The following CAMTA1 variants were observed in gnomAD, a reference collection of about 807,000 sequenced individuals.
The protein encoded by CAMTA1 is calmodulin binding transcription activator 1.
CAMTA1 carries 27 observed loss-of-function variants against 170.9 expected under a neutral mutation model. The observed-to-expected ratio is 0.16, with a 90% CI of 0.12 to 0.22. CAMTA1 has a LOEUF of 0.22. Among genes scored for constraint, CAMTA1 ranks in the 10% least tolerant of loss-of-function variants. The probability of loss-of-function intolerance (pLI) is 1.00; values close to 1 mark genes in which losing one functional copy is unlikely to be tolerated. For synonymous variants in CAMTA1, 833 were observed against 891.5 expected, an observed-to-expected ratio of 0.93 and a Z score of 1.17; for missense variants, 1,619 against 2,217.2, an observed-to-expected ratio of 0.73 and a Z score of 5.42.
At chr1:7,340,974 A>G (rs879928189) in intron 5 of CAMTA1, among the ~76,000 whole-genome samples, 2 of 152,248 alleles carry the variant, frequency 1.3e-5, no homozygotes, top group Non-Finnish European at 2.9e-5. Flanking sequence ...CTGTATATTT[A>G]TGGAAGGAAG....
chr1:7,276,966 T>C (rs1054267433), intron 5 of CAMTA1, among the ~76,000 whole-genome samples: 1 of 152,176 alleles, frequency 6.6e-6, no homozygotes, highest in Non-Finnish European at 1.5e-5. Flanking sequence ...CAGTGTAAAA[T>C]AACATAAAAT....
At chr1:7,068,906 C>G (rs564225227) in intron 3 of CAMTA1, among the ~76,000 whole-genome samples, 1 of 152,300 alleles carries the variant, frequency 6.6e-6, no homozygotes, top group East Asian at 1.9e-4. Context: ...AGATAATTGA[C>G]AGTGGAGCAG....
chr1:7,280,155 G>A (rs939276136), intron 5 of CAMTA1, among the ~76,000 whole-genome samples: 3 of 152,246 alleles, frequency 2.0e-5, no homozygotes, highest in Admixed American at 2.0e-4. Context: ...CCAGCCTGAT[G>A]TGTGTCTGTG....
At chr1:7,594,003 C>G (rs979265568) in intron 6 of CAMTA1, among the ~76,000 whole-genome samples, 2 of 145,130 alleles carry the variant, frequency 1.4e-5, no homozygotes, top group Non-Finnish European at 3.0e-5. Context: ...GATCGTACCA[C>G]TACACTCCAG....
chr1:7,119,619 G>A (rs993121332), intron 4 of CAMTA1, among the ~76,000 whole-genome samples: 1 of 152,176 alleles, frequency 6.6e-6, no homozygotes, highest in Non-Finnish European at 1.5e-5. Flanking sequence ...GCTAATTGGT[G>A]GGTAGAGTGG....
chr1:7,215,642 C>G (rs1659621742), intron 4 of CAMTA1, among the ~76,000 whole-genome samples: 1 of 152,238 alleles, frequency 6.6e-6, no homozygotes, highest in East Asian at 1.9e-4. Flanking sequence ...GATCCTCCCA[C>G]CTTGGCCCCC....
intron 5 of CAMTA1, among the ~76,000 whole-genome samples, chr1:7,383,229 G>A (rs538458416): frequency 6.6e-6 from 1 of 152,324 alleles, no homozygotes; most frequent in African/African-American, 2.4e-5. Context: ...GGAAGAAGGA[G>A]GGCCAGGACG....
intron 5 of CAMTA1, among the ~76,000 whole-genome samples, chr1:7,328,337 A>G (rs1352622297): frequency 1.7e-5 from 2 of 120,458 alleles, no homozygotes; most frequent in African/African-American, 3.6e-5. Context: ...ACAAGCAAAA[A>G]AAAATTCTTT....
At chr1:7,557,363 T>C (rs1475480903) in intron 6 of CAMTA1, among the ~76,000 whole-genome samples, 1 of 150,750 alleles carries the variant, frequency 6.6e-6, no homozygotes, top group Non-Finnish European at 1.5e-5. Flanking sequence ...AGCAGGAGTG[T>C]CCAGAGCCCG....
At chr1:7,323,426 C>G (rs1023490108) in intron 5 of CAMTA1, among the ~76,000 whole-genome samples, 1 of 151,670 alleles carries the variant, frequency 6.6e-6, no homozygotes, top group Admixed American at 6.6e-5. Context: ...AAATCCAAAC[C>G]ACCCAATTTA....
rs564710488 is a variant in CAMTA1 at position 7,596,386 on chromosome 1, T to A, written c.511-44014T>A. 7.8e-4 allele frequency among the ~76,000 whole-genome samples: 119 copies of A among 152,318 alleles called. 1 individual carries two copies. Among genetic ancestry groups the A allele is most frequent in the African/African-American group, 2.8e-3 (117 of 41,570 alleles). ...ATCAGCTCAGAAGATATAGTTTGAC[T>A]CAGGCTTCTTGGCCCCGAATCTGCC... On this transcript the variant is annotated intron_variant, in intron 6 of 22. Coordinates refer to ENST00000303635, the MANE Select transcript of CAMTA1 (RefSeq NM_015215.4).
At chr1:7,296,663 A>T (rs1673987416) in intron 5 of CAMTA1, among the ~76,000 whole-genome samples, 1 of 152,148 alleles carries the variant, frequency 6.6e-6, no homozygotes, top group African/African-American at 2.4e-5. Context: ...GAGCAGGTCT[A>T]GGGGGAGAAT....
chr1:7,523,269 T>C (rs1359203511), intron 6 of CAMTA1, among the ~76,000 whole-genome samples: 1 of 152,242 alleles, frequency 6.6e-6, no homozygotes, highest in African/African-American at 2.4e-5. Flanking sequence ...TGGGTTCTTA[T>C]TTATTCTTCT....
chr1:7,704,819 C>A (rs1446595669), intron 11 of CAMTA1, among the ~76,000 whole-genome samples: 1 of 145,150 alleles, frequency 6.9e-6, no homozygotes, highest in East Asian at 2.0e-4. Flanking sequence ...CGGGCGGGGC[C>A]GGGCGGGGCG....
chr1:7,573,112 A>T (rs1227751101), intron 6 of CAMTA1, among the ~76,000 whole-genome samples: 1 of 152,214 alleles, frequency 6.6e-6, no homozygotes, highest in East Asian at 1.9e-4. Flanking sequence ...GCACTGGGCA[A>T]ACCTAATGGA....
intron 4 of CAMTA1, among the ~76,000 whole-genome samples, chr1:7,231,978 C>T (rs867903726): frequency 3.3e-4 from 50 of 152,228 alleles, no homozygotes; most frequent in Non-Finnish European, 6.3e-4. Flanking sequence ...AGGGATGGCT[C>T]AGCCTGCCAA....
At chr1:7,217,882 C>CATAA (rs1256448312) in intron 4 of CAMTA1, among the ~76,000 whole-genome samples, 2 of 152,118 alleles carry the variant, frequency 1.3e-5, no homozygotes, top group African/African-American at 4.8e-5. Flanking sequence ...ACCTTAGTTA[C>CATAA]ACACTTAATT....
intron 11 of CAMTA1, among the ~76,000 whole-genome samples, chr1:7,728,314 C>G (rs1361202407): frequency 6.6e-6 from 1 of 152,220 alleles, no homozygotes; most frequent in Non-Finnish European, 1.5e-5. Flanking sequence ...ACAGCTGATG[C>G]GGGGACCGCA....
intron 6 of CAMTA1, among the ~76,000 whole-genome samples, chr1:7,579,559 T>TTTTTTTTTTTTTTTTTTTTTTG (rs2095240032): frequency 8.6e-6 from 1 of 116,202 alleles, no homozygotes; most frequent in African/African-American, 5.3e-5. Flanking sequence ...TTTCTTTTTT[T>TTTTTTTTTTTTTTTTTTTTTTG]TTTTTTTTTT....
Sources: gnomAD v4.1 joint callset for allele counts (sites outside exome capture counted in the v4.1 genomes callset) on GRCh38, gnomAD v4.1.1 for gene constraint, MANE v1.5 for transcripts, NCBI Gene and HGNC (gene_info 2026-07-23, HGNC 2026-07-21) for gene names.